Variants in MEF2B observed in about 807,000 individuals in gnomAD.
The protein encoded by MEF2B is myocyte enhancer factor 2B.
In MEF2B, 15 loss-of-function variants were observed where a neutral mutation model predicts 32.2. The observed-to-expected ratio is 0.47, with a 90% confidence interval of 0.31 to 0.72. The LOEUF (loss-of-function observed/expected upper bound fraction) is 0.72. Ranked by LOEUF, MEF2B falls within the 30% of genes least tolerant of loss-of-function variation. MEF2B has a pLI of 0.05. For missense variants in MEF2B, 441 were observed against 511.5 expected, an observed-to-expected ratio of 0.86 and a Z score of 1.33; for synonymous variants, 205 against 225.6, an observed-to-expected ratio of 0.91 and a Z score of 0.82.
intron 3 of MEF2B, among the ~76,000 whole-genome samples, chr19:19,148,682 T>A (rs888400805): frequency 4.3e-4 from 20 of 46,398 alleles, no homozygotes; most frequent in Admixed American, 2.0e-3. Flanking sequence ...TCCTCTGTCT[T>A]ATTTATTTAT....
intron 3 of MEF2B, 149 bp from the exon 4 acceptor site, chr19:19,147,981 C>T: frequency 7.3e-7 from 1 of 1,361,842 alleles, no homozygotes; most frequent in Non-Finnish European, 9.7e-7. Context: ...ACCCCACTGA[C>T]CAAACCCCGG....
chr19:19,160,941 G>A (rs765454131), intron 1 of MEF2B, among the ~76,000 whole-genome samples: 3 of 152,128 alleles, frequency 2.0e-5, no homozygotes, highest in Admixed American at 2.0e-4. Context: ...GGGGCATGTA[G>A]GTGACCTGGC....
chr19:19,163,125 C>T (rs188221487), intron 1 of MEF2B, among the ~76,000 whole-genome samples: 14 of 152,284 alleles, frequency 9.2e-5, no homozygotes, highest in Middle Eastern at 3.4e-3. Context: ...CTGCAGAAAA[C>T]GCTCTTTCTG....
chr19:19,157,856 CA>C (rs1367021109), intron 1 of MEF2B, among the ~76,000 whole-genome samples: 1 of 151,812 alleles, frequency 6.6e-6, no homozygotes, highest in African/African-American at 2.4e-5. Context: ...TCAAAAAAAA[CA>C]AAAAACAAAA....
At position 19,150,752 on chromosome 19, in the gene MEF2B, G is replaced by A. The variant is rs778233415; in HGVS notation, c.-17C>T. On this transcript the variant is annotated 5_prime_UTR_variant, in exon 2 of 9. Coordinates refer to ENST00000424583, the MANE Select transcript of MEF2B (RefSeq NM_001145785.2). ...CCTCCCCATCGTCCCAGGCTGAGTGGAATGATCTTTGTCTAGGAGGAGAAG... is the reference window on the plus strand; with the variant it reads ...CCTCCCCATCGTCCCAGGCTGAGTGAAATGATCTTTGTCTAGGAGGAGAAG... 5 of 1,614,018 alleles carry A rather than the reference G, an allele frequency of 3.1e-6. No individual in the cohort carries two copies.
chr19:19,153,907 C>T (rs1348964943), intron 1 of MEF2B, among the ~76,000 whole-genome samples: 5 of 152,002 alleles, frequency 3.3e-5, no homozygotes, highest in Admixed American at 6.6e-5. Context: ...AGTGCCACCA[C>T]GCCCTGCTAG....
chr19:19,166,183 G>A (rs79656319), intron 1 of MEF2B, among the ~76,000 whole-genome samples: 3,725 of 152,102 alleles, frequency 0.024, 141 homozygotes, highest in East Asian at 0.076. Flanking sequence ...GTACCCCAGG[G>A]CCATCACGTG....
intron 1 of MEF2B, among the ~76,000 whole-genome samples, chr19:19,163,635 A>G (rs951457010): frequency 2.6e-5 from 4 of 151,886 alleles, no homozygotes; most frequent in African/African-American, 7.3e-5. Flanking sequence ...AACACTGCCA[A>G]CTTGCTCAGT....
At chr19:19,163,153 T>C (rs929824994) in intron 1 of MEF2B, among the ~76,000 whole-genome samples, 2 of 152,150 alleles carry the variant, frequency 1.3e-5, no homozygotes, top group South Asian at 4.1e-4. Flanking sequence ...CAATCTTTTT[T>C]AATATTTATT....
intron 8 of MEF2B, 120 bp from the exon 9 acceptor site, chr19:19,146,142 TC>T: frequency 1.0e-6 from 1 of 965,806 alleles, no homozygotes. Context: ...GGGGTGGCGG[TC>T]CCTCTTGGGG....
rs201134886 is a variant in MEF2B at position 19,155,274 on chromosome 19, CT to C, written c.-29-4511del. Among the ~76,000 whole-genome samples, 444 of 152,282 alleles carry C rather than the reference CT, an allele frequency of 2.9e-3. 2 individuals are homozygous for C. The highest frequency in any genetic ancestry group is 3.4e-3 in the Middle Eastern group (1 of 294). On this transcript the variant is annotated intron_variant, in intron 1 of 8. Transcript: ENST00000424583. ...ATAAATATCTCTGACTAGAAGGACC[CT>C]TTCCCCTTTTTCACCAAGCCAACTC...
At chr19:19,151,662 C>T (rs544078596) in intron 1 of MEF2B, among the ~76,000 whole-genome samples, 43 of 152,280 alleles carry the variant, frequency 2.8e-4, no homozygotes, top group Admixed American at 4.6e-4. Context: ...GGCAAGGGGC[C>T]TCTCCAGGGT....
intron 1 of MEF2B, among the ~76,000 whole-genome samples, chr19:19,155,822 C>T (rs2060116128): frequency 6.6e-6 from 1 of 152,164 alleles, no homozygotes; most frequent in Admixed American, 6.5e-5. Context: ...GCTGAATGTG[C>T]CAGGCACGAG....
At chr19:19,161,473 C>T (rs1568553250) in intron 1 of MEF2B, among the ~76,000 whole-genome samples, 1 of 152,036 alleles carries the variant, frequency 6.6e-6, no homozygotes, top group Non-Finnish European at 1.5e-5. Flanking sequence ...CGCCAAACCC[C>T]CCAACCCACA....
intron 1 of MEF2B, among the ~76,000 whole-genome samples, chr19:19,160,625 TG>T (rs984985177): frequency 0.033 from 113 of 3,454 alleles, 4 homozygotes; most frequent in Admixed American, 0.24. Flanking sequence ...GCAGGTGGGT[TG>T]GGTGGGGGTG....
rs1283984312 is a variant in MEF2B, at chr19:19,154,230, C to G, written c.-29-3466G>C. Among the ~76,000 whole-genome samples, 3 of 152,044 alleles carry G rather than the reference C, an allele frequency of 2.0e-5. No individual in the cohort carries two copies. In the East Asian group the frequency reaches 5.8e-4, roughly 29 times the overall value. On this transcript the variant is annotated intron_variant, in intron 1 of 8. Transcript: ENST00000424583. ...CCCGGCTGAAGTGCAGTGGCGTGAT[C>G]GCGGCTTACTGCAACCTCCACCTCC...
intron 1 of MEF2B, among the ~76,000 whole-genome samples, chr19:19,157,883 T>C (rs1353188855): frequency 6.6e-6 from 1 of 152,060 alleles, no homozygotes; most frequent in Non-Finnish European, 1.5e-5. Flanking sequence ...TCACTGAGGC[T>C]GATGGATATC....
intron 4 of MEF2B, 80 bp downstream of exon 4, chr19:19,147,618 C>T (rs2060038542): frequency 6.4e-7 from 1 of 1,563,774 alleles, no homozygotes; most frequent in South Asian, 1.2e-5. Flanking sequence ...CTCTAAGCCC[C>T]TCTCTCAGTA....
At position 19,145,907 on chromosome 19, in the gene MEF2B, A is replaced by G. The variant is rs1419869899; in HGVS notation, c.997T>C (p.Phe333Leu). The stretch of plus-strand genomic sequence containing the variant: ...AAGGGATAGGGGAAGGTCTTAGGAA[A>G]GTCGCCGGGGCCCCCGGGGGCCGGA... ...LSPAPGGPGDFPKTFPYPLLL... is the reference protein window; with the variant it reads ...LSPAPGGPGDLPKTFPYPLLL... The change falls in exon 9 of 9, where the codon TTT becomes CTT. Residue 333 changes from phenylalanine to leucine, a missense_variant. Coordinates refer to ENST00000424583, the MANE Select transcript of MEF2B (RefSeq NM_001145785.2). This position sits in a 1 kb window ranked among gnomAD's most constrained non-coding sequence, Gnocchi z 4.6. 13 of 1,443,408 alleles carry G rather than the reference A, an allele frequency of 9.0e-6. No individual in the cohort carries two copies. Among genetic ancestry groups the G allele is most frequent in the Non-Finnish European group, 1.2e-5 (13 of 1,097,038 alleles). 89.4% of individuals were successfully genotyped at this position (1,443,408 alleles called of 1,614,324 possible). A position where few individuals can be genotyped will look rare whatever the true frequency, so the allele number is the denominator to read the frequency against.
Sources: gnomAD v4.1 joint callset for allele counts (sites outside exome capture counted in the v4.1 genomes callset) on GRCh38, gnomAD v4.1.1 for gene constraint, Gnocchi (gnomAD v3.1) non-coding constraint, MANE v1.5 for transcripts, NCBI Gene and HGNC (gene_info 2026-07-23, HGNC 2026-07-21) for gene names.